GSN: variants seen among roughly 807,000 people sequenced by gnomAD.
GSN encodes the protein actin-depolymerizing factor.
A neutral mutation model predicts 85.7 loss-of-function variants in GSN; 56 were observed. The ratio of observed to expected loss-of-function variants is 0.65; its 90% CI spans 0.53 to 0.82. The LOEUF is 0.82. Ranked by LOEUF, GSN falls within the 40% of genes least tolerant of loss-of-function variation. The pLI, the probability that GSN is intolerant of heterozygous loss-of-function variation, is 0.00. For synonymous variants in GSN, 373 were observed against 399.1 expected (o/e 0.93, Z 0.78); for missense variants, 857 against 979.8 (o/e 0.87, Z 1.67).
chr9:121,296,092 C>A (rs1419643036), intron 2 of GSN, among the ~76,000 whole-genome samples: 1 of 152,216 alleles, frequency 6.6e-6, no homozygotes, highest in Non-Finnish European at 1.5e-5. Flanking sequence ...GTGGGGACAG[C>A]TGCTCCGGAG....
intron 2 of GSN, among the ~76,000 whole-genome samples, chr9:121,301,613 G>A (rs567003524): frequency 3.6e-5 from 5 of 139,974 alleles, no homozygotes; most frequent in African/African-American, 1.1e-4. Context: ...ACAACAGTGC[G>A]AGACTCTGTC....
chr9:121,330,800 C>T (rs962526454), intron 16 of GSN, among the ~76,000 whole-genome samples: 9 of 152,008 alleles, frequency 5.9e-5, no homozygotes, highest in Admixed American at 4.6e-4. Flanking sequence ...AAGATGCACA[C>T]AGACCGGCAC....
At chr9:121,271,285 C>T (rs927517943) in intron 1 of GSN, among the ~76,000 whole-genome samples, 9 of 152,004 alleles carry the variant, frequency 5.9e-5, no homozygotes, top group African/African-American at 1.7e-4. Context: ...ACCCTGGAGA[C>T]GGAGGTTACA....
intron 1 of GSN, among the ~76,000 whole-genome samples, chr9:121,279,699 C>T (rs2132550171): frequency 6.6e-6 from 1 of 152,140 alleles, no homozygotes; most frequent in African/African-American, 2.4e-5. Context: ...TACTTGGGAA[C>T]AAATGCAGCA....
intron 7 of GSN, among the ~76,000 whole-genome samples, chr9:121,316,516 G>A (rs537348975): frequency 2.0e-5 from 3 of 152,090 alleles, no homozygotes; most frequent in African/African-American, 4.8e-5. Flanking sequence ...TGTTACCCAG[G>A]CTGGAGTGTA....
chr9:121,326,833 G>A, intron 13 of GSN, 151 bp downstream of exon 13: 1 of 820,830 alleles, frequency 1.2e-6, no homozygotes, highest in Non-Finnish European at 2.2e-6. Context: ...GTGGCCACAG[G>A]GTTGTCTGTC....
intron 5 of GSN, 44 bp from the exon 6 acceptor site, chr9:121,312,295 T>A (rs1356296820): frequency 2.4e-5 from 38 of 1,610,150 alleles, no homozygotes; most frequent in Non-Finnish European, 3.1e-5. Context: ...GGGCGGGGCT[T>A]ATAGGAAGGC....
chr9:121,229,510 C>G (rs186777336), intron 4 of GSN, among the ~76,000 whole-genome samples: 1 of 152,202 alleles, frequency 6.6e-6, no homozygotes, highest in South Asian at 2.1e-4. Context: ...TGAGCCACCA[C>G]GCCCGGCCTC....
chr9:121,282,579 A>G, intron 2 of GSN: 1 of 1,138,304 alleles, frequency 8.8e-7, no homozygotes, highest in Non-Finnish European at 1.1e-6. Flanking sequence ...GGTCCCCAGG[A>G]TGTTGTGCCC....
chr9:121,213,136 G>A (rs1393369124), intron 4 of GSN, among the ~76,000 whole-genome samples: 2 of 152,146 alleles, frequency 1.3e-5, no homozygotes, highest in Non-Finnish European at 2.9e-5. Context: ...TTCACTGCTC[G>A]ATACCCGGCC....
intron 6 of GSN, among the ~76,000 whole-genome samples, chr9:121,250,559 A>G (rs2054801628): frequency 6.7e-6 from 1 of 149,444 alleles, no homozygotes; most frequent in South Asian, 2.1e-4. Flanking sequence ...GTGCTTTGAG[A>G]TAGGGTCTGG....
intron 2 of GSN, among the ~76,000 whole-genome samples, chr9:121,301,625 C>CAAAAA (rs753963979): frequency 1.8e-5 from 1 of 55,990 alleles, no homozygotes. Context: ...GACTCTGTCT[C>CAAAAA]AAAAAAAAAA....
chr9:121,223,455 A>G (rs968117200), intron 4 of GSN, among the ~76,000 whole-genome samples: 9 of 152,306 alleles, frequency 5.9e-5, no homozygotes, highest in African/African-American at 2.2e-4. Context: ...CAAAGGATCT[A>G]GACAACACAG....
At chr9:121,289,190 CCCT>C (rs968703554) in intron 2 of GSN, among the ~76,000 whole-genome samples, 1 of 151,118 alleles carries the variant, frequency 6.6e-6, no homozygotes, top group African/African-American at 2.4e-5. Context: ...CTTTTTTTCT[CCCT>C]CCTCCTCCCT....
Position 121,215,220 on chromosome 9 carries a change from C to CG in GSN, c.-528+4353_-528+4354insG, listed in dbSNP as rs998141092. Among the ~76,000 whole-genome samples, 7 of 149,958 alleles carry CG rather than the reference C, an allele frequency of 4.7e-5. 1 individual carries two copies. The highest frequency in any genetic ancestry group is 7.4e-5 in the Non-Finnish European group (5 of 67,324). On this transcript the variant is annotated intron_variant, in intron 4 of 24. Transcript: ENST00000373823. ...CCAGTCATATTGAATTAAGGACCCC[C>CG]CCCCCCACACTCATATATGACCCAT...
chr9:121,285,578 C>T (rs1220751347), intron 2 of GSN: 2 of 160,342 alleles, frequency 1.2e-5, no homozygotes, highest in East Asian at 1.9e-4. Flanking sequence ...CATCATCCCC[C>T]AGCACCTTTA....
intron 6 of GSN, among the ~76,000 whole-genome samples, chr9:121,253,448 T>C (rs2054881935): frequency 6.6e-6 from 1 of 152,176 alleles, no homozygotes; most frequent in Non-Finnish European, 1.5e-5. Context: ...GCCCAGAGCT[T>C]TCTTGTCACC....
At chr9:121,202,620 G>A in the GSN span, among the ~76,000 whole-genome samples, 2 of 152,170 alleles carry the variant, frequency 1.3e-5, no homozygotes, top group African/African-American at 2.4e-5. Context: ...TTCGGGTGCA[G>A]GGACACGTTT....
intron 8 of GSN, chr9:121,317,491 A>G (rs1402831760): frequency 1.3e-5 from 6 of 455,698 alleles, no homozygotes; most frequent in African/African-American, 4.0e-5. Context: ...GCTAATTGGC[A>G]TCCTGTAGAA....
Sources: gnomAD v4.1 joint callset for allele counts (sites outside exome capture counted in the v4.1 genomes callset) on GRCh38, gnomAD v4.1.1 for gene constraint, MANE v1.5 for transcripts, NCBI Gene and HGNC (gene_info 2026-07-23, HGNC 2026-07-21) for gene names.